PHYH: variants seen among roughly 807,000 people sequenced by gnomAD.
PHYH encodes the protein phytanoyl-CoA 2-hydroxylase, also known as phytanoyl-CoA dioxygenase, peroxisomal.
A neutral mutation model predicts 38.5 loss-of-function variants in PHYH; 32 were observed. The ratio of observed to expected loss-of-function variants is 0.83; its 90% CI spans 0.63 to 1.12. The LOEUF is 1.12. Among genes scored for constraint, PHYH ranks in the 50% most tolerant of loss-of-function variants. The pLI, the probability that PHYH is intolerant of heterozygous loss-of-function variation, is 0.00. For missense variants in PHYH, 426 were observed against 434.8 expected (o/e 0.98, Z 0.18); for synonymous variants, 166 against 157.9 (o/e 1.05, Z -0.38).
rs1292873172 is a variant in PHYH at position 13,283,857 on chromosome 10, T to C, written c.679-18A>G. The stretch of plus-strand genomic sequence containing the variant: ...ACTCCCCCCTAGAACAAGAGGCAAG[T>C]GAAGTCTACATTTGAGGGAGTACCA... On this transcript the variant is annotated intron_variant, in intron 6 of 8. Coordinates refer to ENST00000263038, the MANE Select transcript of PHYH (RefSeq NM_006214.4). 6.2e-7 allele frequency: 1 copy of C among 1,609,690 alleles called. No homozygotes were observed. Among genetic ancestry groups the C allele is most frequent in the Admixed American group, 1.7e-5 (1 of 59,990 alleles).
intron 2 of PHYH, among the ~76,000 whole-genome samples, chr10:13,297,179 G>A (rs1394666223): frequency 6.6e-6 from 1 of 151,840 alleles, no homozygotes; most frequent in Non-Finnish European, 1.5e-5. Context: ...TTTCTGTAAT[G>A]AATACATATG....
chr10:13,299,134 A>AAT (rs1232096409), intron 1 of PHYH, among the ~76,000 whole-genome samples: 1 of 150,388 alleles, frequency 6.6e-6, no homozygotes, highest in Admixed American at 6.6e-5. Context: ...TGTTTCAAAA[A>AAT]AAAAAAAAAA....
intron 6 of PHYH, among the ~76,000 whole-genome samples, chr10:13,284,505 G>C (rs1835498571): frequency 6.6e-6 from 1 of 152,078 alleles, no homozygotes; most frequent in Non-Finnish European, 1.5e-5. Context: ...GGCATTTCCA[G>C]CCTGAAACTG....
At chr10:13,287,055 C>T (rs1835569111) in intron 6 of PHYH, among the ~76,000 whole-genome samples, 1 of 152,120 alleles carries the variant, frequency 6.6e-6, no homozygotes, top group Admixed American at 6.6e-5. Flanking sequence ...ATTAAAAGCT[C>T]TTCAGCCAGG....
intron 6 of PHYH, among the ~76,000 whole-genome samples, chr10:13,284,337 T>TA (rs1373815960): frequency 6.6e-6 from 1 of 150,894 alleles, no homozygotes; most frequent in Non-Finnish European, 1.5e-5. Context: ...ATAATGGTAA[T>TA]AAAAAAAAAG....
chr10:13,295,512 C>T lies in PHYH; in HGVS notation c.229G>A (p.Asp77Asn), dbSNP rs180913758. The T allele has an allele frequency of 2.0e-5, 31 of 1,534,510 alleles. 1 individual carries two copies. Among genetic ancestry groups the T allele is most frequent in the Admixed American group, 1.8e-4 (11 of 59,916 alleles). ...LVIKNLVPDADIQRFRNEFEK... is the reference protein window; with the variant it reads ...LVIKNLVPDANIQRFRNEFEK... ...TTACTGTACCGAAAGCGTTGAATATCGGCATCAGGTACAAGATTTTTGATT... is the reference window on the plus strand; with the variant it reads ...TTACTGTACCGAAAGCGTTGAATATTGGCATCAGGTACAAGATTTTTGATT... The change falls in exon 3 of 9, where the codon GAT becomes AAT. Residue 77 changes from aspartate (D) to asparagine (N), a missense_variant. By Grantham distance (23) the Asp-to-Asn change is conservative. Transcript: ENST00000263038.
At chr10:13,281,182 T>G (rs949514137) in intron 7 of PHYH, 72 bp from the exon 8 acceptor site, 77 of 1,487,514 alleles carry the variant, frequency 5.2e-5, no homozygotes, top group Middle Eastern at 5.1e-4. Context: ...AGGGAGTCTT[T>G]CTTTTAGAAA....
At position 13,283,603 on chromosome 10, in the gene PHYH, T is replaced by C. The variant is rs1198184230; in HGVS notation, c.828+87A>G. The C allele has an allele frequency of 1.5e-5, 21 of 1,355,646 alleles. No homozygotes were observed. In the Admixed American group the frequency reaches 2.2e-4, roughly 14 times the overall value. 84.0% of individuals were successfully genotyped at this position (1,355,646 alleles called of 1,614,324 possible). A position where few individuals can be genotyped will look rare whatever the true frequency, so the allele number is the denominator to read the frequency against. On this transcript the variant is annotated intron_variant, in intron 7 of 8. Transcript: ENST00000263038. The stretch of plus-strand genomic sequence containing the variant: ...TTAATGCAATTTAATTAAAATTTTA[T>C]TCAATTAATTTGAATTCAATGAATT...
intron 8 of PHYH, among the ~76,000 whole-genome samples, chr10:13,279,038 G>A (rs1835355091): frequency 6.6e-6 from 1 of 151,572 alleles, no homozygotes; most frequent in Non-Finnish European, 1.5e-5. Flanking sequence ...TGCTCTTGTT[G>A]CCCAGGCTGG....
At chr10:13,294,395 T>G in intron 4 of PHYH, 33 bp downstream of exon 4, 1 of 1,609,998 alleles carries the variant, frequency 6.2e-7, no homozygotes, top group Non-Finnish European at 8.5e-7. Flanking sequence ...ACACTGGCAA[T>G]TAAGCCGACG....
chr10:13,296,147 G>A (rs982923007), intron 2 of PHYH, among the ~76,000 whole-genome samples: 4 of 152,070 alleles, frequency 2.6e-5, no homozygotes, highest in Non-Finnish European at 4.4e-5. Context: ...CAGCCTGGGC[G>A]ACAGAGCCAG....
intron 6 of PHYH, among the ~76,000 whole-genome samples, chr10:13,284,700 T>G (rs1379132826): frequency 3.3e-5 from 5 of 152,176 alleles, no homozygotes; most frequent in Admixed American, 6.5e-5. Context: ...TAAAACACTG[T>G]GTTTGTTTGT....
At chr10:13,290,082 A>T (rs1194811727) in intron 5 of PHYH, among the ~76,000 whole-genome samples, 19 of 143,282 alleles carry the variant, frequency 1.3e-4, no homozygotes, top group Non-Finnish European at 2.1e-4. Flanking sequence ...CAGCCTGACC[A>T]ACATGGTGAA....
chr10:13,287,103 G>C (rs825619), intron 6 of PHYH, among the ~76,000 whole-genome samples: 1 of 151,998 alleles, frequency 6.6e-6, no homozygotes, highest in African/African-American at 2.4e-5. Flanking sequence ...CACTTTGGGA[G>C]GCAGAGGTGG....
Position 13,288,429 on chromosome 10 carries a change from G to A in PHYH, c.609C>T (p.Asn203=), listed in dbSNP as rs775543889. 20 of 1,614,204 alleles carry A rather than the reference G, an allele frequency of 1.2e-5. No individual in the cohort carries two copies. In the South Asian group the frequency reaches 2.2e-4, roughly 18 times the overall value. The change falls in exon 6 of 9, where the codon AAC becomes AAT. Residue 203 remains asparagine, a synonymous_variant. Transcript: ENST00000263038. ...TGCCTGGGAGCACAACCAGACAGCC[G>A]TTGTTCCGGCTGATGTGCTCCATCG... The part of the protein sequence containing the change: ...WTAMEHISRN[N]GCLVVLPGTH...
chr10:13,299,628 A>G, intron 1 of PHYH: 2 of 1,113,000 alleles, frequency 1.8e-6, no homozygotes, highest in Non-Finnish European at 1.1e-6. Context: ...GTGATTGGAC[A>G]TCTCTGGGTC....
At chr10:13,278,777 G>A (rs769560520) in intron 8 of PHYH, among the ~76,000 whole-genome samples, 9 of 152,136 alleles carry the variant, frequency 5.9e-5, no homozygotes, top group African/African-American at 1.2e-4. Flanking sequence ...TGATCTGTCC[G>A]CCTTGGCCTT....
chr10:13,293,048 A>G (rs1835752790), intron 4 of PHYH, among the ~76,000 whole-genome samples: 1 of 152,088 alleles, frequency 6.6e-6, no homozygotes, highest in African/African-American at 2.4e-5. Context: ...CTGCTTCCTC[A>G]CTTTTTGATC....
intron 1 of PHYH, 107 bp downstream of exon 1, chr10:13,299,861 G>A: frequency 7.4e-7 from 1 of 1,358,766 alleles, no homozygotes; most frequent in Non-Finnish European, 9.4e-7. Context: ...GAGGCGCTGG[G>A]GCTGCGAAGC....
Sources: gnomAD v4.1 joint callset for allele counts (sites outside exome capture counted in the v4.1 genomes callset) on GRCh38, gnomAD v4.1.1 for gene constraint, MANE v1.5 for transcripts, NCBI Gene and HGNC (gene_info 2026-07-23, HGNC 2026-07-21) for gene names.